The following CNTNAP2 variants were observed in gnomAD, a reference collection of about 807,000 sequenced individuals.
CNTNAP2 encodes contactin-associated protein-like 2.
In CNTNAP2, 98 loss-of-function variants were observed where a neutral mutation model predicts 155.2. That is an observed-to-expected ratio of 0.63 (90% confidence interval 0.54 to 0.75). CNTNAP2 has a LOEUF of 0.75. CNTNAP2 is among the 30% of genes least tolerant of loss of function. The probability of loss-of-function intolerance (pLI) is 0.00; values close to 1 mark genes in which losing one functional copy is unlikely to be tolerated. For missense variants in CNTNAP2, 1,727 were observed against 1,688.1 expected (o/e 1.02, Z -0.40); for synonymous variants, 651 against 631.2 (o/e 1.03, Z -0.47).
chr7:146,586,655 A>C (rs950529745), intron 1 of CNTNAP2, among the ~76,000 whole-genome samples: 2 of 152,172 alleles, frequency 1.3e-5, no homozygotes, highest in Non-Finnish European at 2.9e-5. Context: ...TAACTAACAC[A>C]CACACATTTA....
chr7:148,361,279 ATC>A (rs1384905209), intron 21 of CNTNAP2, among the ~76,000 whole-genome samples: 17 of 152,106 alleles, frequency 1.1e-4, no homozygotes, highest in African/African-American at 3.9e-4. Context: ...CAAATACTCA[ATC>A]TCTCTGCCTT....
chr7:148,006,261 T>C (rs1486261483), intron 15 of CNTNAP2, among the ~76,000 whole-genome samples: 2 of 151,862 alleles, frequency 1.3e-5, no homozygotes, highest in South Asian at 2.1e-4. Context: ...AACAATACTC[T>C]GTGAGAAATA....
chr7:146,899,134 A>G (rs1207274827), intron 3 of CNTNAP2, among the ~76,000 whole-genome samples: 2 of 152,134 alleles, frequency 1.3e-5, no homozygotes, highest in African/African-American at 2.4e-5. Flanking sequence ...ACCCTCTTCC[A>G]GAGAATGTTG....
At chr7:146,898,591 A>G (rs1303120845) in intron 3 of CNTNAP2, among the ~76,000 whole-genome samples, 1 of 152,042 alleles carries the variant, frequency 6.6e-6, no homozygotes, top group Non-Finnish European at 1.5e-5. Context: ...TGAGTGTATA[A>G]ACTACCACAT....
chr7:146,485,227 GA>G (rs1337658276), intron 1 of CNTNAP2, among the ~76,000 whole-genome samples: 5 of 151,956 alleles, frequency 3.3e-5, no homozygotes, highest in African/African-American at 1.2e-4. Context: ...ACAGAGAGTG[GA>G]AAAAAATCAC....
At chr7:147,703,463 T>C (rs1796264886) in intron 13 of CNTNAP2, among the ~76,000 whole-genome samples, 2 of 152,316 alleles carry the variant, frequency 1.3e-5, no homozygotes, top group South Asian at 4.2e-4. Flanking sequence ...AATTGCTGTT[T>C]AGGACAACAG....
intron 8 of CNTNAP2, 78 bp from the exon 9 acceptor site, chr7:147,300,063 C>T: frequency 1.8e-5 from 26 of 1,444,496 alleles, no homozygotes; most frequent in Non-Finnish European, 2.3e-5. Flanking sequence ...TTTGTAAAAT[C>T]GTGATTTGTT....
intron 13 of CNTNAP2, among the ~76,000 whole-genome samples, chr7:147,644,010 G>T (rs1795326496): frequency 6.6e-6 from 1 of 152,046 alleles, no homozygotes; most frequent in South Asian, 2.1e-4. Context: ...TAATGATTTT[G>T]CCAGTATTTA....
intron 3 of CNTNAP2, among the ~76,000 whole-genome samples, chr7:146,961,266 C>A (rs968087024): frequency 6.6e-6 from 1 of 152,138 alleles, no homozygotes; most frequent in African/African-American, 2.4e-5. Flanking sequence ...ACCACTCAGC[C>A]CAGGGAGGAC....
intron 14 of CNTNAP2, among the ~76,000 whole-genome samples, chr7:147,927,808 T>A (rs1306197366): frequency 1.3e-5 from 2 of 152,192 alleles, no homozygotes; most frequent in South Asian, 4.1e-4. Context: ...ATTGGGAAAT[T>A]CCTTAAAAGG....
chr7:146,560,655 T>G (rs562402437), intron 1 of CNTNAP2, among the ~76,000 whole-genome samples: 1 of 152,256 alleles, frequency 6.6e-6, no homozygotes, highest in African/African-American at 2.4e-5. Context: ...TTGTGTCAAG[T>G]GAGTAGAGTG....
At chr7:147,959,567 A>C (rs1366019000) in intron 14 of CNTNAP2, among the ~76,000 whole-genome samples, 1 of 152,172 alleles carries the variant, frequency 6.6e-6, no homozygotes, top group East Asian at 1.9e-4. Flanking sequence ...GTGTGCTGAG[A>C]GTAGCAACTC....
chr7:147,928,636 T>C (rs1422049946), intron 14 of CNTNAP2, among the ~76,000 whole-genome samples: 1 of 152,154 alleles, frequency 6.6e-6, no homozygotes, highest in Admixed American at 6.5e-5. Flanking sequence ...CTAATATAAA[T>C]GTAGGTCGTG....
chr7:147,629,409 TAATAATAA>T (rs1563029317), intron 12 of CNTNAP2, among the ~76,000 whole-genome samples: 1 of 13,564 alleles, frequency 7.4e-5, no homozygotes, highest in Non-Finnish European at 2.8e-4. Flanking sequence ...GTCTCAAAAA[TAATAATAA>T]TAATAATAAT....
At chr7:147,517,723 A>G (rs931589485) in intron 11 of CNTNAP2, among the ~76,000 whole-genome samples, 1 of 152,230 alleles carries the variant, frequency 6.6e-6, no homozygotes, top group Non-Finnish European at 1.5e-5. Flanking sequence ...GTTTTTGTTC[A>G]AATGTTTAAT....
intron 10 of CNTNAP2, among the ~76,000 whole-genome samples, chr7:147,446,210 C>A (rs550316071): frequency 1.7e-4 from 26 of 151,750 alleles, no homozygotes; most frequent in African/African-American, 5.6e-4. Flanking sequence ...CTCCTCCCCC[C>A]ACCCCTCACT....
chr7:146,886,423 C>A (rs1319353578), intron 3 of CNTNAP2, among the ~76,000 whole-genome samples: 2 of 151,926 alleles, frequency 1.3e-5, no homozygotes, highest in African/African-American at 2.4e-5. Flanking sequence ...CACTATAATT[C>A]TTTTTGGTAG....
chr7:147,216,191 G>T (rs1245537830), intron 8 of CNTNAP2, among the ~76,000 whole-genome samples: 2 of 151,496 alleles, frequency 1.3e-5, no homozygotes, highest in Non-Finnish European at 2.9e-5. Context: ...TTTTAATGCA[G>T]TCTAGTTCAC....
chr7:146,473,757 C>T (rs1040796954), intron 1 of CNTNAP2, among the ~76,000 whole-genome samples: 1 of 151,962 alleles, frequency 6.6e-6, no homozygotes, highest in Non-Finnish European at 1.5e-5. Context: ...TATGTTTTTC[C>T]CCCCATTTTT....
Sources: allele counts gnomAD v4.1 joint callset (sites outside exome capture counted in the v4.1 genomes callset), GRCh38; gene constraint gnomAD v4.1.1; transcripts MANE v1.5; gene names NCBI Gene and HGNC (gene_info 2026-07-23, HGNC 2026-07-21).